Variants in MROH6 observed in about 807,000 individuals in gnomAD.
The protein encoded by MROH6 is maestro heat like repeat family member 6.
Under a neutral mutation model 67.7 loss-of-function variants are expected in MROH6, and 62 were observed. The observed-to-expected ratio is 0.92, with a 90% CI of 0.75 to 1.13. The LOEUF is 1.13. Ranked by LOEUF, MROH6 falls within the 50% of genes most tolerant of loss-of-function variation. MROH6 has a pLI of 0.00. For missense variants in MROH6, 1,175 were observed against 1,029.1 expected, an observed-to-expected ratio of 1.14 and a Z score of -1.94; for synonymous variants, 566 against 470.8, an observed-to-expected ratio of 1.20 and a Z score of -2.62.
rs370875286 is a variant in MROH6, at chr8:143,567,773, C to T, written c.1867+13G>A. 139 of 1,563,144 alleles carry T rather than the reference C, an allele frequency of 8.9e-5. No individual in the cohort carries two copies. In the East Asian group the frequency reaches 2.2e-3, roughly 25 times the overall value. ...CCCGGTGCCAGGGGCAGTGTGACCC[C>T]GGGCGGCCTCACCTATAAGCACGGC... On this transcript the variant is annotated intron_variant, in intron 12 of 13. Transcript: ENST00000398882.
In MROH6 at chr8:143,567,479, G is replaced by C; in HGVS notation, c.1934-14C>G. On this transcript the variant is annotated splice_polypyrimidine_tract_variant and intron_variant, in intron 13 of 13. Transcript: ENST00000398882. ...GTCGCCCTAGGTCTGCGAGGAGATCGCGGCTCAGGCTGGGGAGCCCAGGAG... is the reference window on the plus strand; with the variant it reads ...GTCGCCCTAGGTCTGCGAGGAGATCCCGGCTCAGGCTGGGGAGCCCAGGAG... 1 of 1,425,164 alleles carries C rather than the reference G, an allele frequency of 7.0e-7. No individual in the cohort carries two copies. Among genetic ancestry groups the C allele is most frequent in the Non-Finnish European group, 9.2e-7 (1 of 1,084,930 alleles). 88.3% of individuals were successfully genotyped at this position (1,425,164 alleles called of 1,614,324 possible).
chr8:143,569,920 C>T (rs1823905064), intron 7 of MROH6, 31 bp downstream of exon 7: 1 of 1,611,912 alleles, frequency 6.2e-7, no homozygotes, highest in Non-Finnish European at 8.5e-7. Flanking sequence ...CCAGGGTCAC[C>T]CTTCACCACC....
chr8:143,572,665 C>A lies in MROH6; in HGVS notation c.50G>T (p.Gly17Val). Reference protein sequence around the residue: ...GRSRAREAPVGALTLTALTEG... With the variant: ...GRSRAREAPVVALTLTALTEG... ...AGTCAGTGCTGTCAGGGTTAGAGCC[C>A]CCACGGGAGCCTCCCGGGCCCGGCT... The change falls in exon 1 of 14, where the codon GGG becomes GTG. Residue 17 changes from glycine to valine, a missense_variant. Gly to Val is a moderately radical substitution (Grantham distance 109). Coordinates refer to ENST00000398882, the MANE Select transcript of MROH6 (RefSeq NM_001100878.2). 6.5e-7 allele frequency: 1 copy of A among 1,546,812 alleles called. No individual in the cohort carries two copies. The highest frequency in any genetic ancestry group is 8.7e-7 in the Non-Finnish European group (1 of 1,149,232).
chr8:143,570,758 C>T, intron 4 of MROH6, 101 bp from the exon 5 acceptor site: 1 of 1,433,850 alleles, frequency 7.0e-7, no homozygotes, highest in South Asian at 1.3e-5. Flanking sequence ...CAGCCTCAGA[C>T]ACGCATGGGA....
At chr8:143,567,922 G>T in intron 11 of MROH6, 34 bp from the exon 12 acceptor site, 1 of 1,506,444 alleles carries the variant, frequency 6.6e-7, no homozygotes, top group Non-Finnish European at 8.9e-7. Context: ...AGGACAGGAG[G>T]GCTGATCCTG....
In MROH6 at chr8:143,568,673, A is replaced by G. The variant is rs538961414; in HGVS notation, c.1523T>C (p.Leu508Pro). 6 of 1,528,878 alleles carry G rather than the reference A, an allele frequency of 3.9e-6. No homozygotes were observed. In the African/African-American group the frequency reaches 4.1e-5, roughly 11 times the overall value. The allele number at this position is 1,528,878 out of a possible 1,614,324, so 94.7% of individuals were successfully genotyped here. ...GAGCCCGCCCCGGCCCCGGCGCACC[A>G]GAGTCCCAAGGAGCCCGACGGCCGA... is the stretch of plus-strand genomic sequence containing the variant. ...RASAVGLLGT[L>P]VRRGRGGLRL... is the part of the protein sequence containing the mutation. Residue 508 changes from leucine (L) to proline (P), a missense_variant, in exon 10 of 14, where the codon CTG (leucine) becomes CCG (proline). Physicochemically the swap from Leu to Pro is moderately conservative, Grantham distance 98. Coordinates refer to ENST00000398882, the MANE Select transcript of MROH6 (RefSeq NM_001100878.2).
chr8:143,572,471 G>A lies in MROH6; in HGVS notation c.244C>T (p.Pro82Ser). Residue 82 changes from proline (P) to serine (S), a missense_variant, in exon 1 of 14, where the codon CCC becomes TCC. Physicochemically the swap from Pro to Ser is moderately conservative, Grantham distance 74. Transcript: ENST00000398882. Reference protein sequence around the residue: ...GATVPEAGSEPCSLNSALEPA... With the variant: ...GATVPEAGSESCSLNSALEPA... ...TCCAGGGCACTGTTGAGGGAGCAGGGCTCGCTGCCAGCTTCAGGGACGGTG... is the reference window on the plus strand; with the variant it reads ...TCCAGGGCACTGTTGAGGGAGCAGGACTCGCTGCCAGCTTCAGGGACGGTG... 2 of 1,601,100 alleles carry A rather than the reference G, an allele frequency of 1.2e-6. No individual in the cohort carries two copies. Among genetic ancestry groups the A allele is most frequent in the South Asian group, 2.2e-5 (2 of 89,770 alleles).
rs980006085 is a variant in MROH6, at chr8:143,567,872, C to G, written c.1781G>C (p.Gly594Ala). ...CTGGCTCAGGAAGTTGGGCACGTGG[C>G]CTGGGTATCGCTGAACCTGGGGACA... ...LCCRLVQRYPGHVPNFLSQTQ... is the reference protein window; with the variant it reads ...LCCRLVQRYPAHVPNFLSQTQ... The change falls in exon 12 of 14, where the codon GGC (glycine) becomes GCC (alanine). Residue 594 changes from glycine (G) to alanine (A), a missense_variant. By Grantham distance (60) the Gly-to-Ala change is moderately conservative. Transcript: ENST00000398882. The G allele has an allele frequency of 6.5e-6, 10 of 1,527,384 alleles. No homozygotes were observed. The highest frequency in any genetic ancestry group is 7.9e-6 in the Non-Finnish European group (9 of 1,139,830). The allele number at this position is 1,527,384 out of a possible 1,614,324, so 94.6% of individuals were successfully genotyped here.
chr8:143,567,135 T>TCCAGCA lies in MROH6; in HGVS notation c.*98_*103dup, dbSNP rs1451584500. ...TGGGGGGTGGGGGAGGGCATTGGCG[T>TCCAGCA]CCAGCACCAGGCCCAGGGAGCCCCT... On this transcript the variant is annotated 3_prime_UTR_variant, in exon 14 of 14. Coordinates refer to ENST00000398882, the MANE Select transcript of MROH6 (RefSeq NM_001100878.2). The TCCAGCA allele has an allele frequency of 1.8e-6, 1 of 571,364 alleles. No homozygotes were observed. Among genetic ancestry groups the TCCAGCA allele is most frequent in the East Asian group, 3.9e-5 (1 of 25,578 alleles). The allele number at this position is 571,364 out of a possible 1,614,324, so 35.4% of individuals were successfully genotyped here. A position where few individuals can be genotyped will look rare whatever the true frequency, so the allele number is the denominator to read the frequency against.
intron 9 of MROH6, 67 bp from the exon 10 acceptor site, chr8:143,568,786 C>T: frequency 1.0e-5 from 13 of 1,249,738 alleles, no homozygotes; most frequent in Non-Finnish European, 1.4e-5. Context: ...GAGGGGGCGG[C>T]CAGCGCGGAG....
In MROH6 at chr8:143,566,203, G is replaced by A. The variant is rs1006113677; in HGVS notation, c.*1036C>T. Reference sequence around the variant, plus strand: ...CAGATGCCCAACGCTTTCCATCCACGTGTGTTTATTTTAGATGCTTTCTGT... The same window carrying A: ...CAGATGCCCAACGCTTTCCATCCACATGTGTTTATTTTAGATGCTTTCTGT... On this transcript the variant is annotated 3_prime_UTR_variant, in exon 14 of 14. Transcript: ENST00000398882. 3 of 152,226 alleles carry A rather than the reference G, an allele frequency of 2.0e-5. No homozygotes were observed. Among genetic ancestry groups the A allele is most frequent in the African/African-American group, 4.8e-5 (2 of 41,446 alleles). 9.4% of individuals were successfully genotyped at this position (152,226 alleles called of 1,614,324 possible). A position where few individuals can be genotyped will look rare whatever the true frequency, so the allele number is the denominator to read the frequency against.
In MROH6 at chr8:143,570,574, C is replaced by A; in HGVS notation, c.804G>T (p.Ala268=). The change falls in exon 5 of 14, where the codon GCG becomes GCT. Residue 268 remains alanine, a synonymous_variant. Coordinates refer to ENST00000398882, the MANE Select transcript of MROH6 (RefSeq NM_001100878.2). ...CCAGCTTGTGCAGCTGTGTGACCAG[C>A]GCAAGCAGCAGATGTGGGTAGAAGC... is the stretch of plus-strand genomic sequence containing the variant. ...TRGFYPHLLL[A]LVTQLHKLAR... 6.2e-7 allele frequency: 1 copy of A among 1,607,708 alleles called. No homozygotes were observed. The highest frequency in any genetic ancestry group is 1.3e-5 in the African/African-American group (1 of 75,042).
rs908233663 is a variant in MROH6, at chr8:143,572,325, C to T, written c.294+96G>A. 4.1e-5 allele frequency: 61 copies of T among 1,485,828 alleles called. 1 individual carries two copies. The highest frequency in any genetic ancestry group is 4.8e-5 in the Non-Finnish European group (53 of 1,107,682). 92.0% of individuals were successfully genotyped at this position (1,485,828 alleles called of 1,614,324 possible). On this transcript the variant is annotated intron_variant, in intron 1 of 13. Transcript: ENST00000398882. Reference sequence around the variant, plus strand: ...CAGCCTGTTTCACGCTGACCTCCCCCGGGGCCAGCACCGCCCCCCTGCCAC... The same window carrying T: ...CAGCCTGTTTCACGCTGACCTCCCCTGGGGCCAGCACCGCCCCCCTGCCAC...
chr8:143,567,418 C>T lies in MROH6; in HGVS notation c.1981G>A (p.Ala661Thr), dbSNP rs1823680012. 1 of 1,320,676 alleles carries T rather than the reference C, an allele frequency of 7.6e-7. No homozygotes were observed. The highest frequency in any genetic ancestry group is 9.7e-7 in the Non-Finnish European group (1 of 1,034,624). The allele number at this position is 1,320,676 out of a possible 1,614,324, so 81.8% of individuals were successfully genotyped here. A position where few individuals can be genotyped will look rare whatever the true frequency, so the allele number is the denominator to read the frequency against. The change falls in exon 14 of 14, where the codon GCG becomes ACG. Residue 661 changes from alanine to threonine, a missense_variant. Physicochemically the swap from Ala to Thr is moderately conservative, Grantham distance 58. Transcript: ENST00000398882. ...SDPKPAVAAAAHVSAQQVAML... is the reference protein window; with the variant it reads ...SDPKPAVAAATHVSAQQVAML... ...GCCACCTGCTGAGCGGACACGTGCGCTGCCGCGGCCACAGCCGGCTTGGGG... is the reference window on the plus strand; with the variant it reads ...GCCACCTGCTGAGCGGACACGTGCGTTGCCGCGGCCACAGCCGGCTTGGGG...
intron 11 of MROH6, 100 bp downstream of exon 11, chr8:143,568,042 G>A: frequency 6.7e-7 from 1 of 1,493,356 alleles, no homozygotes; most frequent in Non-Finnish European, 9.0e-7. Context: ...TAGCCTATCT[G>A]GTTTGGCTGC....
intron 9 of MROH6, 101 bp downstream of exon 9, chr8:143,569,340 T>G (rs1587013827): frequency 2.2e-6 from 2 of 896,292 alleles, no homozygotes; most frequent in Non-Finnish European, 2.8e-6. Flanking sequence ...GGGCGGGGCC[T>G]GGGCGGGAGA....
In MROH6 at chr8:143,566,222, T is replaced by C. The variant is rs1021669490; in HGVS notation, c.*1017A>G. ...ATCCACGTGTGTTTATTTTAGATGC[T>C]TTCTGTGTGGGAGCTGGGGAGACAG... On this transcript the variant is annotated 3_prime_UTR_variant, in exon 14 of 14. Transcript: ENST00000398882. 1 of 152,266 alleles carries C rather than the reference T, an allele frequency of 6.6e-6. No individual in the cohort carries two copies. The highest frequency in any genetic ancestry group is 2.4e-5 in the African/African-American group (1 of 41,470). 9.4% of individuals were successfully genotyped at this position (152,266 alleles called of 1,614,324 possible).
chr8:143,568,814 T>C (rs991586713), intron 9 of MROH6, 95 bp from the exon 10 acceptor site: 93 of 947,890 alleles, frequency 9.8e-5, no homozygotes, highest in Non-Finnish European at 1.3e-4. Flanking sequence ...GCGGCGGGTC[T>C]AGGGAAGGCT....
intron 1 of MROH6, 57 bp downstream of exon 1, chr8:143,572,364 T>C: frequency 6.8e-7 from 1 of 1,466,166 alleles, no homozygotes; most frequent in Non-Finnish European, 9.1e-7. Context: ...GCCTTCCACC[T>C]ACCATCCACA....
Sources: allele counts gnomAD v4.1 joint callset, GRCh38; gene constraint gnomAD v4.1.1; transcripts MANE v1.5; gene names NCBI Gene and HGNC (gene_info 2026-07-23, HGNC 2026-07-21).